RORA: variants seen among roughly 807,000 people sequenced by gnomAD.
The protein encoded by RORA is RAR related orphan receptor A, also known as nuclear receptor ROR-alpha.
Under a neutral mutation model 69.5 loss-of-function variants are expected in RORA, and 7 were observed. The observed-to-expected ratio is 0.10, with a 90% CI of 0.06 to 0.19. The LOEUF is 0.19. Among genes scored for constraint, RORA ranks in the 10% least tolerant of loss-of-function variants. The pLI, the probability that RORA is intolerant of heterozygous loss-of-function variation, is 1.00. For synonymous variants in RORA, 261 were observed against 240.8 expected (o/e 1.08, Z -0.78); for missense variants, 457 against 663.0 (o/e 0.69, Z 3.41).
intron 2 of RORA, among the ~76,000 whole-genome samples, chr15:60,591,363 C>T (rs1229377924): frequency 2.0e-5 from 3 of 152,200 alleles, no homozygotes; most frequent in Non-Finnish European, 2.9e-5. Context: ...GTCCCAAGAG[C>T]GAGTCTCGGT....
chr15:60,615,869 C>T (rs999335650), intron 2 of RORA, among the ~76,000 whole-genome samples: 1 of 152,146 alleles, frequency 6.6e-6, no homozygotes, highest in Admixed American at 6.5e-5. Context: ...AGGGCTGCTT[C>T]GAAAATAACT....
chr15:61,147,197 T>C lies in RORA; in HGVS notation c.166+81856A>G, dbSNP rs1262249799. Among the ~76,000 whole-genome samples the C allele has an allele frequency of 2.0e-5, 3 of 152,160 alleles. No homozygotes were observed. Among genetic ancestry groups the C allele is most frequent in the Non-Finnish European group, 4.4e-5 (3 of 68,032 alleles). On this transcript the variant is annotated intron_variant, in intron 1 of 10. Transcript: ENST00000335670. The surrounding 1 kb of genome is among the most constrained non-coding windows in gnomAD (Gnocchi z 4.1). The stretch of plus-strand genomic sequence containing the variant: ...CTTTGCATGCGTCAACCACTAGTCA[T>C]GCCTTGAACCACACAGCACCGTGGT...
chr15:60,811,382 A>G (rs1172332650), intron 1 of RORA, among the ~76,000 whole-genome samples: 1 of 152,182 alleles, frequency 6.6e-6, no homozygotes, highest in African/African-American at 2.4e-5. Flanking sequence ...TGTATCTGAT[A>G]AGTCAGTTAT....
chr15:60,775,334 A>G (rs1340732948), intron 1 of RORA, among the ~76,000 whole-genome samples: 1 of 152,066 alleles, frequency 6.6e-6, no homozygotes, highest in Non-Finnish European at 1.5e-5. Context: ...GACTATGTTA[A>G]TGTTGCTAGA....
intron 1 of RORA, among the ~76,000 whole-genome samples, chr15:60,955,898 G>T (rs1211356561): frequency 6.6e-6 from 1 of 152,184 alleles, no homozygotes; most frequent in Non-Finnish European, 1.5e-5. Flanking sequence ...ATTCTGCAAA[G>T]AGGTCAGATG....
intron 2 of RORA, chr15:60,592,476 TGCC>T: frequency 2.2e-5 from 30 of 1,353,820 alleles, no homozygotes; most frequent in South Asian, 2.1e-4. Context: ...GAGCCCCCTC[TGCC>T]GCCGCCGCGC....
At chr15:60,712,133 G>A (rs2071152503) in intron 1 of RORA, among the ~76,000 whole-genome samples, 2 of 152,092 alleles carry the variant, frequency 1.3e-5, no homozygotes, top group African/African-American at 4.8e-5. Context: ...TCCTACATAG[G>A]ACATGTTGAT....
At chr15:61,095,252 G>A (rs1308530016) in intron 1 of RORA, among the ~76,000 whole-genome samples, 1 of 152,160 alleles carries the variant, frequency 6.6e-6, no homozygotes, top group African/African-American at 2.4e-5. Flanking sequence ...ATGCTCTGAA[G>A]GGTATATGCC....
At chr15:60,642,088 G>T (rs1039901544) in intron 2 of RORA, among the ~76,000 whole-genome samples, 1 of 152,172 alleles carries the variant, frequency 6.6e-6, no homozygotes, top group South Asian at 2.1e-4. Context: ...GTGAGCTCGG[G>T]CTGTGTGAAT....
At chr15:60,979,090 T>C (rs1415794052) in intron 1 of RORA, among the ~76,000 whole-genome samples, 1 of 150,424 alleles carries the variant, frequency 6.6e-6, no homozygotes, top group Non-Finnish European at 1.5e-5. Context: ...GCCTCCTGAG[T>C]AGCTGGGACT....
chr15:60,920,587 T>C (rs1384085793), intron 1 of RORA, among the ~76,000 whole-genome samples: 1 of 152,172 alleles, frequency 6.6e-6, no homozygotes, highest in Non-Finnish European at 1.5e-5. Context: ...ATGACAGATG[T>C]GGATTACCAC....
rs961347128 is a variant in RORA, at chr15:60,905,407, AT to A, written c.167-226722del. Among the ~76,000 whole-genome samples, 3 of 151,354 alleles carry A rather than the reference AT, an allele frequency of 2.0e-5. No individual in the cohort carries two copies. The highest frequency in any genetic ancestry group is 4.4e-5 in the Non-Finnish European group (3 of 67,776). Reference sequence around the variant, plus strand: ...ATTAGATCAACTTTTTTTTCTGTGTATTTTTTTTTCTTTTTAAACAGGGACC... The same window carrying A: ...ATTAGATCAACTTTTTTTTCTGTGTATTTTTTTTCTTTTTAAACAGGGACC... On this transcript the variant is annotated intron_variant, in intron 1 of 10. Coordinates refer to ENST00000335670, the MANE Select transcript of RORA (RefSeq NM_134261.3). The surrounding 1 kb of genome is among the most constrained non-coding windows in gnomAD (Gnocchi z 4.8).
At chr15:61,138,989 C>A (rs2079271702) in intron 1 of RORA, among the ~76,000 whole-genome samples, 2 of 151,832 alleles carry the variant, frequency 1.3e-5, no homozygotes, top group Admixed American at 1.3e-4. Flanking sequence ...ACTAGAAATA[C>A]AAAAATTAGC....
chr15:60,921,774 C>G (rs533538154), intron 1 of RORA, among the ~76,000 whole-genome samples: 9 of 152,270 alleles, frequency 5.9e-5, no homozygotes, highest in Non-Finnish European at 1.0e-4. Flanking sequence ...TCCTCATCTG[C>G]GAAACCAGCA....
chr15:60,943,353 T>C (rs1892758449), intron 1 of RORA, among the ~76,000 whole-genome samples: 1 of 152,110 alleles, frequency 6.6e-6, no homozygotes, highest in South Asian at 2.1e-4. Context: ...ACGTCAATTC[T>C]GATTCTATTC....
chr15:60,818,251 T>C (rs988631069), intron 1 of RORA, among the ~76,000 whole-genome samples: 1 of 152,186 alleles, frequency 6.6e-6, no homozygotes, highest in South Asian at 2.1e-4. Flanking sequence ...ATTACTTTTG[T>C]GCCAACCTAA....
chr15:60,662,571 T>C (rs2070319536), intron 2 of RORA, among the ~76,000 whole-genome samples: 1 of 152,156 alleles, frequency 6.6e-6, no homozygotes, highest in South Asian at 2.1e-4. Context: ...TTATATGGAA[T>C]TGCACACACA....
intron 1 of RORA, among the ~76,000 whole-genome samples, chr15:61,139,710 CGA>C (rs778372650): frequency 6.6e-6 from 1 of 152,146 alleles, no homozygotes; most frequent in African/African-American, 2.4e-5. Context: ...TTAATGAAAT[CGA>C]GAGAGTCGAC....
chr15:60,589,278 T>C (rs1428233004), intron 2 of RORA, among the ~76,000 whole-genome samples: 2 of 152,212 alleles, frequency 1.3e-5, no homozygotes, highest in Non-Finnish European at 2.9e-5. Context: ...TACCAACACA[T>C]ACAGTATTTT....
Sources: allele counts gnomAD v4.1 joint callset (sites outside exome capture counted in the v4.1 genomes callset), GRCh38; gene constraint gnomAD v4.1.1; non-coding constraint Gnocchi (gnomAD v3.1); transcripts MANE v1.5; gene names NCBI Gene and HGNC (gene_info 2026-07-23, HGNC 2026-07-21).